The following UNC5D variants were observed in gnomAD, a reference collection of about 807,000 sequenced individuals.
UNC5D encodes unc-5 netrin receptor D.
In UNC5D, 39 loss-of-function variants were observed where a neutral mutation model predicts 105.4. The observed-to-expected ratio is 0.37, with a 90% confidence interval of 0.29 to 0.48. UNC5D has a LOEUF of 0.48. Ranked by LOEUF, UNC5D falls within the 20% of genes least tolerant of loss-of-function variation. The pLI is 0.98. For synonymous variants in UNC5D, 452 were observed against 450.4 expected, an observed-to-expected ratio of 1.00 and a Z score of -0.04; for missense variants, 991 against 1,202.4, an observed-to-expected ratio of 0.82 and a Z score of 2.60.
intron 1 of UNC5D, among the ~76,000 whole-genome samples, chr8:35,448,744 C>T (rs1040607656): frequency 6.6e-6 from 1 of 152,086 alleles, no homozygotes; most frequent in Non-Finnish European, 1.5e-5. Context: ...TAAGTATTTT[C>T]TCATCTCTGA....
intron 2 of UNC5D, among the ~76,000 whole-genome samples, chr8:35,557,473 C>T (rs907621801): frequency 2.6e-5 from 4 of 152,126 alleles, no homozygotes; most frequent in African/African-American, 9.7e-5. Flanking sequence ...ACATTTAGCC[C>T]TAATTAATTA....
intron 1 of UNC5D, among the ~76,000 whole-genome samples, chr8:35,533,909 G>A (rs536436603): frequency 5.1e-4 from 78 of 152,268 alleles, no homozygotes; most frequent in African/African-American, 1.6e-3. Flanking sequence ...TTCGGCTTGC[G>A]CACGGTGCGC....
intron 1 of UNC5D, among the ~76,000 whole-genome samples, chr8:35,505,335 C>A (rs148605118): frequency 6.6e-6 from 1 of 152,102 alleles, no homozygotes; most frequent in Non-Finnish European, 1.5e-5. Context: ...TTTGGAGATA[C>A]GAAAAAGAAA....
intron 4 of UNC5D, among the ~76,000 whole-genome samples, chr8:35,646,299 A>G (rs911609920): frequency 1.3e-5 from 2 of 152,110 alleles, no homozygotes; most frequent in South Asian, 2.1e-4. Context: ...ATTCTTCATG[A>G]AAGTGCTGAG....
chr8:35,551,933 T>G (rs996177414), intron 2 of UNC5D, among the ~76,000 whole-genome samples: 7 of 151,996 alleles, frequency 4.6e-5, no homozygotes, highest in African/African-American at 1.7e-4. Flanking sequence ...ACTCTATCAA[T>G]AAAGAGAAGG....
At chr8:35,424,892 C>T (rs1276540124) in intron 1 of UNC5D, among the ~76,000 whole-genome samples, 23 of 152,230 alleles carry the variant, frequency 1.5e-4, no homozygotes, top group Admixed American at 1.4e-3. Flanking sequence ...GTGTGTTCTA[C>T]AGGGCTGCTG....
chr8:35,245,299 A>G (rs954889166), intron 1 of UNC5D, among the ~76,000 whole-genome samples: 79 of 152,116 alleles, frequency 5.2e-4, no homozygotes, highest in African/African-American at 1.9e-3. Flanking sequence ...ATGGAAAAAA[A>G]ATACAGAGCA....
intron 1 of UNC5D, among the ~76,000 whole-genome samples, chr8:35,245,445 G>GT (rs748254637): frequency 6.6e-6 from 1 of 152,106 alleles, no homozygotes; most frequent in Non-Finnish European, 1.5e-5. Flanking sequence ...AGAAGCTGCA[G>GT]TGATTACTAG....
At chr8:35,433,257 C>G (rs911619701) in intron 1 of UNC5D, among the ~76,000 whole-genome samples, 31 of 152,132 alleles carry the variant, frequency 2.0e-4, no homozygotes, top group African/African-American at 7.5e-4. Flanking sequence ...ATCTACCTGG[C>G]ACTTACAAAT....
At chr8:35,345,342 A>G (rs969266692) in intron 1 of UNC5D, among the ~76,000 whole-genome samples, 1 of 152,110 alleles carries the variant, frequency 6.6e-6, no homozygotes, top group Admixed American at 6.6e-5. Context: ...ATGTGGAAAA[A>G]AAAGTGCCTG....
intron 1 of UNC5D, among the ~76,000 whole-genome samples, chr8:35,260,497 G>A (rs544082294): frequency 5.8e-4 from 89 of 152,304 alleles, no homozygotes; most frequent in African/African-American, 2.0e-3. Flanking sequence ...TTGAGATGGA[G>A]TCTCGCTCTA....
intron 1 of UNC5D, among the ~76,000 whole-genome samples, chr8:35,528,215 G>A (rs1814041097): frequency 7.0e-6 from 1 of 142,720 alleles, no homozygotes; most frequent in Non-Finnish European, 1.5e-5. Context: ...CCCCACCACA[G>A]TCCCCAGAGT....
Position 35,686,693 on chromosome 8 carries a change from T to G in UNC5D, c.1068T>G (p.Asp356Glu). Residue 356 changes from aspartate to glutamate, a missense_variant, in exon 7 of 17, where the codon GAT becomes GAG. This residue lies in a region of UNC5D where 944 missense variants were observed against 1,131.6 expected (regional missense o/e 0.83). Coordinates refer to ENST00000404895, the MANE Select transcript of UNC5D (RefSeq NM_080872.4). ...GLSQESENCT[D>E]GLCILDKKPL... is the part of the protein sequence containing the mutation. ...GCCAGGAATCTGAAAACTGCACAGA[T>G]GGTCTTTGCATCCTAGGTAACACTT... 6.3e-7 allele frequency: 1 copy of G among 1,599,058 alleles called. No homozygotes were observed. Among genetic ancestry groups the G allele is most frequent in the Non-Finnish European group, 8.5e-7 (1 of 1,174,722 alleles).
At chr8:35,458,346 G>T (rs141026719) in intron 1 of UNC5D, among the ~76,000 whole-genome samples, 1 of 152,104 alleles carries the variant, frequency 6.6e-6, no homozygotes, top group African/African-American at 2.4e-5. Flanking sequence ...CTACAGAGGG[G>T]ACTGTTAATG....
At chr8:35,739,350 A>C (rs1384032667) in intron 11 of UNC5D, among the ~76,000 whole-genome samples, 1 of 152,128 alleles carries the variant, frequency 6.6e-6, no homozygotes, top group Non-Finnish European at 1.5e-5. Flanking sequence ...GAGAGGAACA[A>C]ATTTTTTAAA....
chr8:35,495,694 G>A (rs182932272), intron 1 of UNC5D, among the ~76,000 whole-genome samples: 116 of 152,060 alleles, frequency 7.6e-4, no homozygotes, highest in African/African-American at 2.8e-3. Flanking sequence ...AGTTTACCTG[G>A]GTTCAACAAG....
intron 1 of UNC5D, among the ~76,000 whole-genome samples, chr8:35,494,461 T>C (rs2130148584): frequency 6.6e-6 from 1 of 152,336 alleles, no homozygotes; most frequent in African/African-American, 2.4e-5. Context: ...CTACAATATT[T>C]TTTGTTACTC....
chr8:35,680,405 A>C (rs972943072), intron 4 of UNC5D, among the ~76,000 whole-genome samples: 1 of 152,030 alleles, frequency 6.6e-6, no homozygotes, highest in African/African-American at 2.4e-5. Context: ...TTTAATTGTC[A>C]TGTGTTTTGT....
At chr8:35,342,912 A>G (rs1585628731) in intron 1 of UNC5D, among the ~76,000 whole-genome samples, 1 of 152,156 alleles carries the variant, frequency 6.6e-6, no homozygotes, top group African/African-American at 2.4e-5. Context: ...TAGAGTGCAG[A>G]GCATTTTAAA....
Sources: allele counts gnomAD v4.1 joint callset (sites outside exome capture counted in the v4.1 genomes callset), GRCh38; gene constraint gnomAD v4.1.1; regional missense constraint gnomAD v4.1.1; transcripts MANE v1.5; gene names NCBI Gene and HGNC (gene_info 2026-07-23, HGNC 2026-07-21).